Variants in ZNF407 observed in about 807,000 individuals in gnomAD.
ZNF407 encodes zinc finger protein 407.
A neutral mutation model predicts 131.2 loss-of-function variants in ZNF407; 17 were observed. The observed-to-expected ratio is 0.13, with a 90% confidence interval of 0.09 to 0.19. The LOEUF is 0.19. Among genes scored for constraint, ZNF407 ranks in the 10% least tolerant of loss-of-function variants. The pLI, the probability that ZNF407 is intolerant of heterozygous loss-of-function variation, is 1.00. For synonymous variants in ZNF407, 1,156 were observed against 1,062.0 expected, an observed-to-expected ratio of 1.09 and a Z score of -1.72; for missense variants, 2,681 against 2,830.6, an observed-to-expected ratio of 0.95 and a Z score of 1.20.
chr18:75,034,085 A>G (rs2122227822), intron 8 of ZNF407, among the ~76,000 whole-genome samples: 1 of 152,316 alleles, frequency 6.6e-6, no homozygotes, highest in East Asian at 1.9e-4. Flanking sequence ...GGCCTTGTGC[A>G]TCATGAAACC....
intron 3 of ZNF407, among the ~76,000 whole-genome samples, chr18:74,690,946 A>G (rs1967206302): frequency 6.6e-6 from 1 of 152,226 alleles, no homozygotes; most frequent in African/African-American, 2.4e-5. Context: ...AAAAACCAAT[A>G]TTCTTCGTAT....
At chr18:74,953,394 A>G (rs1392788662) in intron 8 of ZNF407, among the ~76,000 whole-genome samples, 1 of 150,798 alleles carries the variant, frequency 6.6e-6, no homozygotes, top group African/African-American at 2.4e-5. Context: ...GTTTTTTTCT[A>G]CTTTAATTTG....
At chr18:74,781,287 G>A in intron 3 of ZNF407, 141 bp from the exon 4 acceptor site, 2 of 570,830 alleles carry the variant, frequency 3.5e-6, no homozygotes, top group Non-Finnish European at 6.0e-6. Flanking sequence ...CTGTATGCAA[G>A]CTTTGGTGTA....
intron 8 of ZNF407, among the ~76,000 whole-genome samples, chr18:75,043,271 T>C (rs1377753878): frequency 6.6e-6 from 1 of 152,210 alleles, no homozygotes; most frequent in Non-Finnish European, 1.5e-5. Flanking sequence ...TGACTGATGA[T>C]ACCAAGCATC....
rs1238551181 is a variant in ZNF407, at chr18:74,653,471, A to T, written c.4802+12349A>T. Among the ~76,000 whole-genome samples, 4 of 151,876 alleles carry T rather than the reference A, an allele frequency of 2.6e-5. No individual in the cohort carries two copies. The East Asian group carries it at 7.7e-4, about 29-fold the overall frequency. On this transcript the variant is annotated intron_variant, in intron 3 of 8. Coordinates refer to ENST00000299687, the MANE Select transcript of ZNF407 (RefSeq NM_017757.3). ...TATAAAATTATAATTTTGTAATCTC[A>T]GTATATTATTAATATATATTTGCAG... is the stretch of plus-strand genomic sequence containing the variant.
intron 4 of ZNF407, among the ~76,000 whole-genome samples, chr18:74,869,037 G>A (rs1395068656): frequency 6.6e-6 from 1 of 152,168 alleles, no homozygotes; most frequent in African/African-American, 2.4e-5. Flanking sequence ...ATTTGAAGAT[G>A]GTTAGGATTG....
chr18:75,026,599 G>C (rs1973173611), intron 8 of ZNF407, among the ~76,000 whole-genome samples: 1 of 152,144 alleles, frequency 6.6e-6, no homozygotes, highest in Admixed American at 6.5e-5. Context: ...GTAACCCATT[G>C]ATCCAAGATA....
chr18:74,672,218 A>AT (rs1986168009), intron 3 of ZNF407, among the ~76,000 whole-genome samples: 1 of 152,092 alleles, frequency 6.6e-6, no homozygotes, highest in Non-Finnish European at 1.5e-5. Flanking sequence ...AGCATCTGTT[A>AT]TTTTTTGACT....
At chr18:74,688,356 A>G (rs1484709217) in intron 3 of ZNF407, among the ~76,000 whole-genome samples, 1 of 152,240 alleles carries the variant, frequency 6.6e-6, no homozygotes, top group African/African-American at 2.4e-5. Flanking sequence ...CTCTGGATGC[A>G]TTGGATATAG....
intron 3 of ZNF407, among the ~76,000 whole-genome samples, chr18:74,777,328 C>T (rs1038944304): frequency 2.0e-4 from 31 of 151,808 alleles, no homozygotes; most frequent in African/African-American, 7.5e-4. Context: ...ACTTGTAAGT[C>T]GATCAATATT....
chr18:74,760,418 T>C (rs1269531223), intron 3 of ZNF407, among the ~76,000 whole-genome samples: 2 of 152,226 alleles, frequency 1.3e-5, no homozygotes, highest in Admixed American at 6.5e-5. Flanking sequence ...TTTAGATTTC[T>C]GGAGTATGTT....
chr18:74,835,660 G>GTC (rs1321700843), intron 4 of ZNF407, among the ~76,000 whole-genome samples: 1 of 151,536 alleles, frequency 6.6e-6, no homozygotes, highest in Non-Finnish European at 1.5e-5. Flanking sequence ...GTGTGTGTGT[G>GTC]TGTGTGTAAA....
intron 4 of ZNF407, among the ~76,000 whole-genome samples, chr18:74,810,088 G>A (rs1568226060): frequency 6.6e-6 from 1 of 152,206 alleles, no homozygotes; most frequent in Non-Finnish European, 1.5e-5. Context: ...TGCTGAACTG[G>A]AAGTTGTATG....
At chr18:74,782,587 T>G (rs1469407973) in intron 4 of ZNF407, among the ~76,000 whole-genome samples, 1 of 151,732 alleles carries the variant, frequency 6.6e-6, no homozygotes, top group African/African-American at 2.4e-5. Flanking sequence ...TCTCTCTTCT[T>G]TCTTCCTGTT....
At chr18:74,720,766 A>C (rs1175995541) in intron 3 of ZNF407, among the ~76,000 whole-genome samples, 1 of 151,936 alleles carries the variant, frequency 6.6e-6, no homozygotes, top group Non-Finnish European at 1.5e-5. Context: ...GTGTTCTTGA[A>C]GTCTTTGTCA....
chr18:75,025,903 G>T (rs1287382479), intron 8 of ZNF407, among the ~76,000 whole-genome samples: 1 of 152,122 alleles, frequency 6.6e-6, no homozygotes, highest in Non-Finnish European at 1.5e-5. Flanking sequence ...TTTTTTAGTT[G>T]TATTCAGTGA....
rs559789184 is a variant in ZNF407, at chr18:74,946,608, T to C, written c.5428+25916T>C. 2.1e-3 allele frequency among the ~76,000 whole-genome samples: 325 copies of C among 152,376 alleles called. 2 individuals are homozygous for C. The highest frequency in any genetic ancestry group is 7.1e-3 in the African/African-American group (296 of 41,588). On this transcript the variant is annotated intron_variant, in intron 8 of 8. Coordinates refer to ENST00000299687, the MANE Select transcript of ZNF407 (RefSeq NM_017757.3). ...CAACAATTATAGTTGAAAACATTAA[T>C]ATATATTTTAGAACAATTTATATTT...
intron 3 of ZNF407, among the ~76,000 whole-genome samples, chr18:74,720,935 TTTTTC>T (rs1366184297): frequency 2.6e-5 from 4 of 151,378 alleles, no homozygotes; most frequent in Non-Finnish European, 4.4e-5. Flanking sequence ...AGCTTTTTTT[TTTTTC>T]TTTTTCTTTT....
intron 8 of ZNF407, among the ~76,000 whole-genome samples, chr18:75,039,864 G>T (rs1157126065): frequency 6.6e-6 from 1 of 150,620 alleles, no homozygotes; most frequent in Non-Finnish European, 1.5e-5. Context: ...TTTCCCTAGA[G>T]AATTTTTTTT....
Sources: gnomAD v4.1 joint callset for allele counts (sites outside exome capture counted in the v4.1 genomes callset) on GRCh38, gnomAD v4.1.1 for gene constraint, MANE v1.5 for transcripts, NCBI Gene and HGNC (gene_info 2026-07-23, HGNC 2026-07-21) for gene names.